Variants in DOCK7 observed in about 807,000 individuals in gnomAD.
DOCK7 encodes the protein dedicator of cytokinesis 7, also known as dedicator of cytokinesis protein 7.
A neutral mutation model predicts 271.0 loss-of-function variants in DOCK7; 138 were observed. The ratio of observed to expected loss-of-function variants is 0.51; its 90% confidence interval spans 0.44 to 0.59. DOCK7 has a LOEUF of 0.59. DOCK7 is among the 20% of genes least tolerant of loss of function. The pLI is 0.00. For synonymous variants in DOCK7, 823 were observed against 876.1 expected, an observed-to-expected ratio of 0.94 and a Z score of 1.07; for missense variants, 2,066 against 2,592.4, an observed-to-expected ratio of 0.80 and a Z score of 4.41.
intron 44 of DOCK7, chr1:62,477,167 C>T (rs991970955): frequency 1.3e-5 from 2 of 152,138 alleles, no homozygotes; most frequent in African/African-American, 4.8e-5. Context: ...ATAACTATAA[C>T]AGAAAATACT....
rs764470690 is a variant in DOCK7, at chr1:62,625,448, T to G, written c.1283-47A>C. Reference sequence around the variant, plus strand: ...AATTCATTTTCATAGAAGTTAAATTTTGTTTTAAAGTAGCTTTCCAAACAC... The same window carrying G: ...AATTCATTTTCATAGAAGTTAAATTGTGTTTTAAAGTAGCTTTCCAAACAC... On this transcript the variant is annotated intron_variant, in intron 11 of 49. Coordinates refer to ENST00000635253, the MANE Select transcript of DOCK7 (RefSeq NM_001367561.1). 4.5e-6 allele frequency: 7 copies of G among 1,555,334 alleles called. No individual in the cohort carries two copies. In the African/African-American group the frequency reaches 8.3e-5, roughly 18 times the overall value.
chr1:62,652,371 C>G (rs141305189), intron 4 of DOCK7, among the ~76,000 whole-genome samples: 2 of 152,188 alleles, frequency 1.3e-5, no homozygotes, highest in African/African-American at 4.8e-5. Flanking sequence ...CTTACCAGTG[C>G]ATATAATGTA....
chr1:62,599,394 G>A (rs906829982), intron 14 of DOCK7, among the ~76,000 whole-genome samples: 2 of 152,006 alleles, frequency 1.3e-5, no homozygotes, highest in African/African-American at 2.4e-5. Context: ...CCTTAGGGTC[G>A]TTATCAAACA....
At chr1:62,509,663 A>G (rs566953179) in intron 34 of DOCK7, among the ~76,000 whole-genome samples, 1 of 152,308 alleles carries the variant, frequency 6.6e-6, no homozygotes, top group South Asian at 2.1e-4. Context: ...ATTTTAATAT[A>G]TTTATATTAC....
intron 14 of DOCK7, chr1:62,609,638 G>A (rs1450549966): frequency 6.6e-6 from 1 of 151,898 alleles, no homozygotes; most frequent in Non-Finnish European, 1.5e-5. Context: ...CTCTACAAAC[G>A]CTTCCTAACT....
intron 48 of DOCK7, among the ~76,000 whole-genome samples, chr1:62,468,442 T>A (rs982299797): frequency 1.4e-5 from 2 of 146,230 alleles, no homozygotes; most frequent in African/African-American, 5.1e-5. Context: ...CTATGACAAA[T>A]CCACAGCCAA....
intron 2 of DOCK7, among the ~76,000 whole-genome samples, chr1:62,658,256 C>A (rs1413053705): frequency 6.6e-6 from 1 of 151,948 alleles, no homozygotes; most frequent in Non-Finnish European, 1.5e-5. Flanking sequence ...GAGTTCGAGA[C>A]CAGCCTGGCG....
At chr1:62,597,694 T>C in intron 14 of DOCK7, 35 of 1,613,600 alleles carry the variant, frequency 2.2e-5, no homozygotes, top group Non-Finnish European at 3.0e-5. Context: ...TTAGACGATG[T>C]AAAAATTTTA....
At chr1:62,566,029 A>G (rs1438321894) in intron 18 of DOCK7, among the ~76,000 whole-genome samples, 1 of 152,206 alleles carries the variant, frequency 6.6e-6, no homozygotes, top group African/African-American at 2.4e-5. Context: ...AGAACTACAC[A>G]TTACTGCTCA....
Position 62,504,682 on chromosome 1 carries a change from T to A in DOCK7, c.4712A>T (p.His1571Leu), listed in dbSNP as rs1646888340. Residue 1571 changes from histidine to leucine, a missense_variant, in exon 37 of 50, where the codon CAC becomes CTC. Around this residue, in one of 2 missense-constraint regions of DOCK7, gnomAD observed 652 missense variants for 922.1 expected, o/e 0.71. Coordinates refer to ENST00000635253, the MANE Select transcript of DOCK7 (RefSeq NM_001367561.1). ...CSSSIGTIRS[H>L]ASASLYLLMR... is the part of the protein sequence containing the mutation. ...TAGTAGGTAAAGGGAGGCACTGGCG[T>A]GTGACCGTATTGTACCGATGCTACT... 4.3e-6 allele frequency: 7 copies of A among 1,614,110 alleles called. No individual in the cohort carries two copies. The highest frequency in any genetic ancestry group is 5.9e-6 in the Non-Finnish European group (7 of 1,179,974).
At chr1:62,581,402 G>C (rs1647116803) in intron 16 of DOCK7, among the ~76,000 whole-genome samples, 1 of 152,094 alleles carries the variant, frequency 6.6e-6, no homozygotes, top group Non-Finnish European at 1.5e-5. Context: ...AGAGTAACTG[G>C]AAAATGGTGG....
intron 48 of DOCK7, among the ~76,000 whole-genome samples, chr1:62,466,853 G>A (rs906175588): frequency 1.3e-5 from 2 of 151,908 alleles, no homozygotes; most frequent in Admixed American, 6.6e-5. Flanking sequence ...CCCGGGAGGC[G>A]ATTGCAGTGG....
intron 39 of DOCK7, 94 bp from the exon 40 acceptor site, chr1:62,494,561 T>C (rs1646563786): frequency 1.7e-6 from 2 of 1,187,012 alleles, no homozygotes; most frequent in Middle Eastern, 2.5e-4. Flanking sequence ...AGAAAGGTTT[T>C]TGATACTGTG....
intron 14 of DOCK7, among the ~76,000 whole-genome samples, chr1:62,598,284 A>C (rs997160855): frequency 7.2e-5 from 11 of 152,018 alleles, no homozygotes; most frequent in Non-Finnish European, 1.6e-4. Flanking sequence ...TGCATTTTAT[A>C]TGAAAATTAC....
At chr1:62,651,237 T>C (rs183394505) in intron 4 of DOCK7, among the ~76,000 whole-genome samples, 55 of 137,718 alleles carry the variant, frequency 4.0e-4, no homozygotes, top group African/African-American at 1.3e-3. Context: ...CAGGTGAGAA[T>C]TGAACAATGA....
At chr1:62,645,270 A>T (rs563828018) in intron 7 of DOCK7, among the ~76,000 whole-genome samples, 1 of 152,198 alleles carries the variant, frequency 6.6e-6, no homozygotes, top group Non-Finnish European at 1.5e-5. Flanking sequence ...TTAGCCAAAA[A>T]GTGGAAGCAA....
At chr1:62,680,581 T>C (rs1396313246) in intron 1 of DOCK7, among the ~76,000 whole-genome samples, 2 of 151,928 alleles carry the variant, frequency 1.3e-5, no homozygotes, top group Non-Finnish European at 2.9e-5. Context: ...CAAAAGACAC[T>C]ACCATCAGAG....
intron 18 of DOCK7, among the ~76,000 whole-genome samples, chr1:62,574,202 C>T (rs539525270): frequency 1.5e-4 from 23 of 152,048 alleles, no homozygotes; most frequent in East Asian, 3.9e-4. Context: ...CGGTACTCTA[C>T]GGAAAGGAGT....
At position 62,653,991 on chromosome 1, in the gene DOCK7, C is replaced by G. The variant is rs1370070825; in HGVS notation, c.313G>C (p.Glu105Gln). 6.2e-7 allele frequency: 1 copy of G among 1,612,526 alleles called. No homozygotes were observed. The highest frequency in any genetic ancestry group is 1.7e-5 in the Admixed American group (1 of 59,598). The change falls in exon 3 of 50, where the codon GAA becomes CAA. Residue 105 changes from glutamate (E) to glutamine (Q), a missense_variant. Transcript: ENST00000635253. ...DCRTLVSAVP[E>Q]ESEMDPHVRD... ...AAGTCAATGTCTCCTTACCTTTCTTCAGGTACAGCTGAAACAAGAGTTCTG... is the reference window on the plus strand; with the variant it reads ...AAGTCAATGTCTCCTTACCTTTCTTGAGGTACAGCTGAAACAAGAGTTCTG...
Sources: allele counts gnomAD v4.1 joint callset (sites outside exome capture counted in the v4.1 genomes callset), GRCh38; gene constraint gnomAD v4.1.1; regional missense constraint gnomAD v4.1.1; transcripts MANE v1.5; gene names NCBI Gene and HGNC (gene_info 2026-07-23, HGNC 2026-07-21).